The following SPAG9 variants were observed in gnomAD, a reference collection of about 807,000 sequenced individuals.
The protein encoded by SPAG9 is sperm associated antigen 9.
SPAG9 carries 35 observed loss-of-function variants against 166.5 expected under a neutral mutation model. The observed-to-expected ratio is 0.21, with a 90% CI of 0.16 to 0.28. The LOEUF is 0.28. SPAG9 is among the 10% of genes least tolerant of loss of function. The probability of loss-of-function intolerance (pLI) is 1.00; values close to 1 mark genes in which losing one functional copy is unlikely to be tolerated. For missense variants in SPAG9, 1,235 were observed against 1,603.3 expected (o/e 0.77, Z 3.92); for synonymous variants, 534 against 565.5 (o/e 0.94, Z 0.79).
intron 1 of SPAG9, among the ~76,000 whole-genome samples, chr17:51,098,014 G>C (rs933366068): frequency 6.6e-6 from 1 of 152,008 alleles, no homozygotes; most frequent in African/African-American, 2.4e-5. Flanking sequence ...TGTAGAGACA[G>C]GGTTTCATCA....
chr17:51,036,802 T>C (rs2046604525), intron 5 of SPAG9, among the ~76,000 whole-genome samples: 1 of 152,118 alleles, frequency 6.6e-6, no homozygotes, highest in Non-Finnish European at 1.5e-5. Flanking sequence ...CTAAGCACCA[T>C]GGAAAGCCTT....
intron 5 of SPAG9, among the ~76,000 whole-genome samples, chr17:51,034,239 A>C (rs1192567249): frequency 2.0e-5 from 3 of 152,246 alleles, no homozygotes; most frequent in Non-Finnish European, 4.4e-5. Context: ...ATTTTACCCT[A>C]GTAGGCACAC....
chr17:50,982,284 T>A (rs1162806603), intron 25 of SPAG9, among the ~76,000 whole-genome samples: 1 of 152,174 alleles, frequency 6.6e-6, no homozygotes, highest in African/African-American at 2.4e-5. Context: ...AGACACACAT[T>A]TAAACATTCA....
At chr17:51,040,186 G>A (rs1337094834) in intron 5 of SPAG9, among the ~76,000 whole-genome samples, 2 of 147,954 alleles carry the variant, frequency 1.4e-5, no homozygotes, top group African/African-American at 5.0e-5. Flanking sequence ...AGCCAAGGTT[G>A]AAATGAGCTG....
chr17:51,016,333 C>G (rs1421457275), intron 8 of SPAG9: 1 of 152,120 alleles, frequency 6.6e-6, no homozygotes, highest in Non-Finnish European at 1.5e-5. Flanking sequence ...AAAGATACAA[C>G]AGAGGAGAAA....
At chr17:51,067,052 AAATTT>A (rs1441779577) in intron 2 of SPAG9, among the ~76,000 whole-genome samples, 4 of 152,298 alleles carry the variant, frequency 2.6e-5, no homozygotes, top group Admixed American at 2.6e-4. Context: ...CTGTGATCCT[AAATTT>A]TATTATTATC....
intron 8 of SPAG9, among the ~76,000 whole-genome samples, chr17:51,018,757 C>T (rs776264190): frequency 6.6e-6 from 1 of 152,072 alleles, no homozygotes; most frequent in African/African-American, 2.4e-5. Flanking sequence ...GGCTGGAGTA[C>T]CCGGCTGCTG....
intron 13 of SPAG9, among the ~76,000 whole-genome samples, chr17:51,000,155 C>T (rs904205556): frequency 2.6e-5 from 4 of 152,138 alleles, no homozygotes; most frequent in African/African-American, 9.7e-5. Context: ...GGTCATTTTT[C>T]ACAAGACTAA....
rs962378876 is a variant in SPAG9, at chr17:50,965,789, G to C, written c.*483C>G. On this transcript the variant is annotated 3_prime_UTR_variant, in exon 30 of 30. Transcript: ENST00000262013. ...TTTACAGTTAGCTTTTAACCCTCTC[G>C]GGACATTTAGATACATCCTGATAAT... The C allele has an allele frequency of 3.3e-5, 5 of 153,582 alleles. No individual in the cohort carries two copies. The South Asian group carries it at 6.1e-4, about 19-fold the overall frequency. The allele number at this position is 153,582 out of a possible 1,614,324, so 9.5% of individuals were successfully genotyped here. A position where few individuals can be genotyped will look rare whatever the true frequency, so the allele number is the denominator to read the frequency against.
chr17:50,982,961 G>A (rs959452286), intron 24 of SPAG9, among the ~76,000 whole-genome samples: 1 of 152,138 alleles, frequency 6.6e-6, no homozygotes, highest in African/African-American at 2.4e-5. Flanking sequence ...CAAGTTATCT[G>A]TTTATCATAA....
chr17:51,083,607 C>T (rs1000298405), intron 1 of SPAG9, among the ~76,000 whole-genome samples: 1 of 149,872 alleles, frequency 6.7e-6, no homozygotes, highest in African/African-American at 2.5e-5. Context: ...ACTATGTTGT[C>T]AGGCTGGTCT....
intron 10 of SPAG9, among the ~76,000 whole-genome samples, chr17:51,006,744 C>T (rs1295107058): frequency 6.6e-6 from 1 of 152,184 alleles, no homozygotes; most frequent in Non-Finnish European, 1.5e-5. Context: ...ACACAGCAAA[C>T]TGACAAAGGA....
chr17:51,006,094 T>A lies in SPAG9; in HGVS notation c.1415A>T (p.Glu472Val). 1.2e-6 allele frequency: 2 copies of A among 1,614,168 alleles called. No individual in the cohort carries two copies. Among genetic ancestry groups the A allele is most frequent in the African/African-American group, 2.7e-5 (2 of 75,054 alleles). ...LEEKNRELEE[E>V]LRKARAEAED... Reference sequence around the variant, plus strand: ...CACAGTTAAAACTTACTTCCTAAGCTCTTCCTCCAATTCTCTGTTCTTTTC... The same window carrying A: ...CACAGTTAAAACTTACTTCCTAAGCACTTCCTCCAATTCTCTGTTCTTTTC... Residue 472 changes from glutamate to valine, a missense_variant, in exon 11 of 30, where the codon GAG becomes GTG. Transcript: ENST00000262013.
intron 2 of SPAG9, among the ~76,000 whole-genome samples, chr17:51,068,031 G>A (rs2047722895): frequency 6.6e-6 from 1 of 152,172 alleles, no homozygotes; most frequent in Non-Finnish European, 1.5e-5. Flanking sequence ...GGAAGAAAGA[G>A]AAACAGACCT....
chr17:51,078,780 A>G (rs1034883163), intron 2 of SPAG9, among the ~76,000 whole-genome samples: 1 of 151,940 alleles, frequency 6.6e-6, no homozygotes, highest in African/African-American at 2.4e-5. Context: ...AAATGGCCCC[A>G]TTTTTCCATT....
Position 51,120,141 on chromosome 17 carries a change from C to A in SPAG9, c.303+213G>T, listed in dbSNP as rs1254881860. Among the ~76,000 whole-genome samples, 1 of 152,244 alleles carries A rather than the reference C, an allele frequency of 6.6e-6. No homozygotes were observed. The highest frequency in any genetic ancestry group is 1.5e-5 in the Non-Finnish European group (1 of 68,034). The stretch of plus-strand genomic sequence containing the variant: ...GGCCCTGCCTCCTCCATCTCGCTCC[C>A]TTCCCAGGACACTCAGTAGCCGGCC... On this transcript the variant is annotated intron_variant, in intron 1 of 29. Coordinates refer to ENST00000262013, the MANE Select transcript of SPAG9 (RefSeq NM_001130528.3). The surrounding 1 kb of genome is among the most constrained non-coding windows in gnomAD (Gnocchi z 4.7).
intron 13 of SPAG9, 119 bp from the exon 14 acceptor site, chr17:50,999,836 T>C: frequency 1.4e-6 from 1 of 734,098 alleles, no homozygotes; most frequent in Non-Finnish European, 2.3e-6. Flanking sequence ...ACAATTAAGT[T>C]CAATAAATAC....
rs1166918699 is a variant in SPAG9 at position 50,963,214 on chromosome 17, C to A, written c.*3058G>T. The A allele has an allele frequency of 1.3e-5, 2 of 152,132 alleles. No individual in the cohort carries two copies. Among genetic ancestry groups the A allele is most frequent in the Non-Finnish European group, 2.9e-5 (2 of 68,014 alleles). The allele number at this position is 152,132 out of a possible 1,614,324, so 9.4% of individuals were successfully genotyped here. On this transcript the variant is annotated 3_prime_UTR_variant, in exon 30 of 30. Coordinates refer to ENST00000262013, the MANE Select transcript of SPAG9 (RefSeq NM_001130528.3). ...CCTTATTTCTTCCAATAGGGGTACA[C>A]TTTTTTTGTACAGTGAGATCAACCC...
intron 5 of SPAG9, among the ~76,000 whole-genome samples, chr17:51,037,663 TTTTA>T (rs1285133443): frequency 7.7e-5 from 4 of 52,084 alleles, no homozygotes; most frequent in African/African-American, 3.0e-4. Context: ...AATATATGTG[TTTTA>T]TATATATATA....
Sources: allele counts gnomAD v4.1 joint callset (sites outside exome capture counted in the v4.1 genomes callset), GRCh38; gene constraint gnomAD v4.1.1; non-coding constraint Gnocchi (gnomAD v3.1); transcripts MANE v1.5; gene names NCBI Gene and HGNC (gene_info 2026-07-23, HGNC 2026-07-21).